The following PHYHIPL variants were observed in gnomAD, a reference collection of about 807,000 sequenced individuals.
PHYHIPL encodes phytanoyl-CoA hydroxylase-interacting protein-like.
In PHYHIPL, 9 loss-of-function variants were observed where a neutral mutation model predicts 33.4. The observed-to-expected ratio is 0.27, with a 90% CI of 0.16 to 0.47. The LOEUF (loss-of-function observed/expected upper bound fraction) is 0.47, where lower values mean the gene tolerates loss of function less well. Among genes scored for constraint, PHYHIPL ranks in the 20% least tolerant of loss-of-function variants. PHYHIPL has a pLI of 0.99. For missense variants in PHYHIPL, 365 were observed against 460.7 expected, an observed-to-expected ratio of 0.79 and a Z score of 1.90; for synonymous variants, 153 against 154.1, an observed-to-expected ratio of 0.99 and a Z score of 0.05.
intron 4 of PHYHIPL, among the ~76,000 whole-genome samples, chr10:59,240,936 T>C (rs999065729): frequency 6.6e-6 from 1 of 152,096 alleles, no homozygotes; most frequent in Non-Finnish European, 1.5e-5. Flanking sequence ...TGGATAATTA[T>C]TGTGTATATT....
At chr10:59,179,685 T>G (rs1340047895) in intron 1 of PHYHIPL, among the ~76,000 whole-genome samples, 1 of 152,182 alleles carries the variant, frequency 6.6e-6, no homozygotes, top group African/African-American at 2.4e-5. Context: ...TTTTTGTTTT[T>G]GTCTGTCACT....
At chr10:59,177,194 C>G (rs1838276135) in intron 1 of PHYHIPL, 1 of 582,798 alleles carries the variant, frequency 1.7e-6, no homozygotes, top group Non-Finnish European at 2.9e-6. Flanking sequence ...ACCGTGGCGC[C>G]CTTCGCCGCC....
At chr10:59,223,646 T>A (rs1347062996) in intron 1 of PHYHIPL, among the ~76,000 whole-genome samples, 1 of 151,236 alleles carries the variant, frequency 6.6e-6, no homozygotes, top group African/African-American at 2.5e-5. Flanking sequence ...TTCAATGATA[T>A]TAAAAACATA....
intron 1 of PHYHIPL, among the ~76,000 whole-genome samples, chr10:59,231,882 G>C (rs968462308): frequency 2.6e-5 from 4 of 151,998 alleles, no homozygotes; most frequent in African/African-American, 9.7e-5. Context: ...ATCGTATGCA[G>C]TAAGTAAAGC....
At chr10:59,226,500 T>TG (rs1163033829) in intron 1 of PHYHIPL, among the ~76,000 whole-genome samples, 1 of 151,790 alleles carries the variant, frequency 6.6e-6, no homozygotes, top group African/African-American at 2.4e-5. Flanking sequence ...AAAATGGTTG[T>TG]GGTGGTGGTG....
intron 1 of PHYHIPL, among the ~76,000 whole-genome samples, chr10:59,206,334 A>G (rs551062798): frequency 2.0e-5 from 3 of 152,302 alleles, no homozygotes; most frequent in African/African-American, 7.2e-5. Flanking sequence ...TGTCTACTGA[A>G]TGGGACTTCT....
At chr10:59,176,414 CGCCCGACGCCTCACGCGCGAGGTT>C (rs1389684877), upstream of PHYHIPL, among the ~76,000 whole-genome samples, 4 of 152,038 alleles carry the variant, frequency 2.6e-5, no homozygotes, top group African/African-American at 4.8e-5. Context: ...CGCGCTCGGT[CGCCCGACGCCTCACGCGCGAGGTT>C]GCCTTGGCAG....
chr10:59,201,478 C>T (rs527831732), intron 1 of PHYHIPL, among the ~76,000 whole-genome samples: 1 of 152,196 alleles, frequency 6.6e-6, no homozygotes, highest in East Asian at 1.9e-4. Context: ...TTACTTCCAA[C>T]TATGTGGTCA....
At chr10:59,223,847 A>G (rs577630159) in intron 1 of PHYHIPL, among the ~76,000 whole-genome samples, 50 of 152,060 alleles carry the variant, frequency 3.3e-4, no homozygotes, top group Non-Finnish European at 6.0e-4. Flanking sequence ...TTTTGTAGAG[A>G]CAGGGTCTCA....
At chr10:59,223,239 C>T (rs1839828647) in intron 1 of PHYHIPL, among the ~76,000 whole-genome samples, 1 of 152,176 alleles carries the variant, frequency 6.6e-6, no homozygotes, top group Admixed American at 6.5e-5. Flanking sequence ...TGGCTTAATT[C>T]AGAGATCTGC....
Position 59,239,086 on chromosome 10 carries a change from CTGTT to C in PHYHIPL, c.596+383_596+386del, listed in dbSNP as rs200193270. ...TGAAAATGAGAGTATAAAAGAGTGA[CTGTT>C]TAATGAAATATTATGGTGAATCAGG... On this transcript the variant is annotated intron_variant, in intron 4 of 4. Transcript: ENST00000373880. Among the ~76,000 whole-genome samples, 1,017 of 151,980 alleles carry C rather than the reference CTGTT, an allele frequency of 6.7e-3. 19 individuals carry two copies. The highest frequency in any genetic ancestry group is 0.03 in the Admixed American group (458 of 15,230).
intron 1 of PHYHIPL, among the ~76,000 whole-genome samples, chr10:59,226,031 A>ATTTTATAGATTC (rs1406589194): frequency 2.0e-5 from 3 of 152,076 alleles, no homozygotes; most frequent in Non-Finnish European, 2.9e-5. Flanking sequence ...GTAAAACTAA[A>ATTTTATAGATTC]TTTTATAGAT....
chr10:59,217,478 T>C (rs1368189838), intron 1 of PHYHIPL, among the ~76,000 whole-genome samples: 1 of 152,002 alleles, frequency 6.6e-6, no homozygotes, highest in African/African-American at 2.4e-5. Flanking sequence ...CATTTTTCTC[T>C]ATAATATACA....
intron 1 of PHYHIPL, among the ~76,000 whole-genome samples, chr10:59,218,502 A>G (rs951138545): frequency 5.3e-5 from 8 of 152,124 alleles, no homozygotes; most frequent in Non-Finnish European, 1.0e-4. Context: ...GGTAGAATAG[A>G]AGAATCTGTG....
chr10:59,194,930 C>T (rs1348666823), intron 1 of PHYHIPL, among the ~76,000 whole-genome samples: 4 of 152,058 alleles, frequency 2.6e-5, no homozygotes, highest in Non-Finnish European at 5.9e-5. Context: ...AAGCTTGTTG[C>T]CCAGCATTTC....
chr10:59,174,041 G>T (rs2133164416), upstream of PHYHIPL, among the ~76,000 whole-genome samples: 1 of 139,706 alleles, frequency 7.2e-6, no homozygotes, highest in Admixed American at 8.2e-5. Context: ...TGCCTACCCT[G>T]TCTCCGCCCT....
chr10:59,178,297 G>C (rs537189778), intron 1 of PHYHIPL, among the ~76,000 whole-genome samples: 16 of 152,104 alleles, frequency 1.1e-4, no homozygotes, highest in African/African-American at 3.6e-4. Context: ...CGTTTGCAAA[G>C]ACAGCTTGTA....
chr10:59,179,760 TAA>T (rs1838349335), intron 1 of PHYHIPL, among the ~76,000 whole-genome samples: 1 of 149,212 alleles, frequency 6.7e-6, no homozygotes, highest in South Asian at 2.3e-4. Context: ...TCATAGTTTC[TAA>T]AAATATTTAA....
intron 1 of PHYHIPL, among the ~76,000 whole-genome samples, chr10:59,187,053 G>A (rs2133191425): frequency 6.6e-6 from 1 of 152,218 alleles, no homozygotes; most frequent in South Asian, 2.1e-4. Context: ...GTTTTCAAAG[G>A]GAATGCTTCC....
Sources: allele counts gnomAD v4.1 joint callset (sites outside exome capture counted in the v4.1 genomes callset), GRCh38; gene constraint gnomAD v4.1.1; transcripts MANE v1.5; gene names NCBI Gene and HGNC (gene_info 2026-07-23, HGNC 2026-07-21).